The following WDR59 variants were observed in gnomAD, a reference collection of about 807,000 sequenced individuals.
The protein encoded by WDR59 is GATOR2 complex protein WDR59.
WDR59 carries 100 observed loss-of-function variants against 131.2 expected under a neutral mutation model. That is an observed-to-expected ratio of 0.76 (90% CI 0.65 to 0.90). The LOEUF is 0.90. Ranked by LOEUF, WDR59 falls within the 40% of genes least tolerant of loss-of-function variation. The pLI is 0.00. For synonymous variants in WDR59, 601 were observed against 466.2 expected, an observed-to-expected ratio of 1.29 and a Z score of -3.72; for missense variants, 1,203 against 1,262.2, an observed-to-expected ratio of 0.95 and a Z score of 0.71.
At chr16:74,961,805 T>A (rs972112284) in intron 2 of WDR59, among the ~76,000 whole-genome samples, 1 of 152,202 alleles carries the variant, frequency 6.6e-6, no homozygotes. Context: ...CAGATCCCAT[T>A]TGTCAATTTT....
At chr16:74,883,857 G>C (rs973949639) in intron 25 of WDR59, among the ~76,000 whole-genome samples, 1 of 152,124 alleles carries the variant, frequency 6.6e-6, no homozygotes, top group African/African-American at 2.4e-5. Flanking sequence ...CAAATTCCCA[G>C]TTCTAGCCCC....
chr16:74,927,201 T>C (rs1193953234), intron 8 of WDR59, among the ~76,000 whole-genome samples: 2 of 152,200 alleles, frequency 1.3e-5, no homozygotes, highest in African/African-American at 4.8e-5. Flanking sequence ...AAAGTTTAGA[T>C]GGCATAACTG....
intron 2 of WDR59, among the ~76,000 whole-genome samples, chr16:74,965,013 G>A (rs768323568): frequency 1.9e-4 from 29 of 151,826 alleles, no homozygotes; most frequent in Non-Finnish European, 2.6e-4. Flanking sequence ...GCAGTGAGCC[G>A]AGATCGCGCC....
intron 1 of WDR59, among the ~76,000 whole-genome samples, chr16:74,970,409 T>C (rs1158772827): frequency 1.4e-5 from 2 of 147,224 alleles, no homozygotes; most frequent in African/African-American, 2.5e-5. Flanking sequence ...TCTCCCAGAA[T>C]GGCATGAACC....
At chr16:74,944,202 G>A (rs1228272518) in intron 6 of WDR59, among the ~76,000 whole-genome samples, 11 of 152,052 alleles carry the variant, frequency 7.2e-5, no homozygotes, top group Admixed American at 7.2e-4. Context: ...GCAGTGGCTT[G>A]CACCTATAAT....
At chr16:74,957,299 T>G (rs751010018) in intron 2 of WDR59, among the ~76,000 whole-genome samples, 1 of 152,108 alleles carries the variant, frequency 6.6e-6, no homozygotes, top group Non-Finnish European at 1.5e-5. Flanking sequence ...CAGGCTGATC[T>G]CGAACTGCTG....
At chr16:74,878,941 T>G (rs752775895) in intron 25 of WDR59, among the ~76,000 whole-genome samples, 1 of 152,230 alleles carries the variant, frequency 6.6e-6, no homozygotes, top group African/African-American at 2.4e-5. Context: ...CTATAAACTA[T>G]AGGCCAGAAA....
intron 18 of WDR59, among the ~76,000 whole-genome samples, chr16:74,898,343 T>G (rs938234940): frequency 6.6e-6 from 1 of 152,198 alleles, no homozygotes. Flanking sequence ...GTAAAGTTAG[T>G]ACCTCTGGGA....
intron 7 of WDR59, among the ~76,000 whole-genome samples, chr16:74,942,452 C>T (rs2145098235): frequency 6.6e-6 from 1 of 152,234 alleles, no homozygotes; most frequent in South Asian, 2.1e-4. Flanking sequence ...TTGAAGGAAA[C>T]TGAGGTTAAG....
At chr16:74,958,460 G>T (rs1165057118) in intron 2 of WDR59, among the ~76,000 whole-genome samples, 1 of 150,876 alleles carries the variant, frequency 6.6e-6, no homozygotes, top group African/African-American at 2.4e-5. Context: ...AACATTGGTG[G>T]CAGGCACCTG....
chr16:74,938,225 G>C lies in WDR59; in HGVS notation c.576C>G (p.Ser192=). 6.4e-7 allele frequency: 1 copy of C among 1,566,312 alleles called. No homozygotes were observed. Among genetic ancestry groups the C allele is most frequent in the Non-Finnish European group, 8.7e-7 (1 of 1,155,320 alleles). Residue 192 remains serine, a synonymous_variant, in exon 8 of 26, where the codon TCC becomes TCG. Transcript: ENST00000262144. ...GGTGCCAGTCCAGGCCATGGATTTTGGAGAGGTGGGCGGCTAGATATTCCA... is the reference window on the plus strand; with the variant it reads ...GGTGCCAGTCCAGGCCATGGATTTTCGAGAGGTGGGCGGCTAGATATTCCA... ...TAVEYLAAHL[S]KIHGLDWHPD... is the part of the protein sequence containing the mutation.
Position 74,948,627 on chromosome 16 carries a change from T to C in WDR59, c.408-71A>G, listed in dbSNP as rs564663081. Reference sequence around the variant, plus strand: ...CACCCACCTGGTATTTTTCACCCTTTGCACACAATTCTTCGCTTTCCTTTC... The same window carrying C: ...CACCCACCTGGTATTTTTCACCCTTCGCACACAATTCTTCGCTTTCCTTTC... On this transcript the variant is annotated intron_variant, in intron 5 of 25. Coordinates refer to ENST00000262144, the MANE Select transcript of WDR59 (RefSeq NM_030581.4). The C allele has an allele frequency of 2.0e-5, 26 of 1,272,532 alleles. No individual in the cohort carries two copies. In the East Asian group the frequency reaches 5.6e-4, roughly 27 times the overall value. The allele number at this position is 1,272,532 out of a possible 1,614,324, so 78.8% of individuals were successfully genotyped here. A position where few individuals can be genotyped will look rare whatever the true frequency, so the allele number is the denominator to read the frequency against.
rs201871399 is a variant in WDR59, at chr16:74,956,647, C to T, written c.105-37G>A. 9.9e-5 allele frequency: 158 copies of T among 1,600,168 alleles called. No homozygotes were observed. The East Asian group carries it at 3.3e-3, about 34-fold the overall frequency. On this transcript the variant is annotated intron_variant, in intron 2 of 25. Transcript: ENST00000262144. ...CATCAACATTATAATAGTATAAAAA[C>T]ACAACATCATTAGCATTAAGATAGA...
At chr16:74,940,933 T>C (rs2032169862) in intron 7 of WDR59, among the ~76,000 whole-genome samples, 1 of 151,958 alleles carries the variant, frequency 6.6e-6, no homozygotes, top group African/African-American at 2.4e-5. Flanking sequence ...CTCGATCTCC[T>C]GACCTCGTGA....
intron 14 of WDR59, among the ~76,000 whole-genome samples, chr16:74,911,819 AT>A: frequency 6.6e-6 from 1 of 152,212 alleles, no homozygotes; most frequent in Non-Finnish European, 1.5e-5. Context: ...GCTAAATGAA[AT>A]TGGATTGCAA....
chr16:74,885,448 C>CAAAAAAAA (rs397855343), intron 25 of WDR59, among the ~76,000 whole-genome samples: 3 of 62,380 alleles, frequency 4.8e-5, no homozygotes, highest in Admixed American at 2.6e-4. Context: ...GATTCCATCT[C>CAAAAAAAA]AAAAAAAAAA....
intron 1 of WDR59, among the ~76,000 whole-genome samples, chr16:74,976,960 T>C (rs1274049380): frequency 1.3e-5 from 2 of 152,050 alleles, no homozygotes; most frequent in Admixed American, 6.6e-5. Flanking sequence ...TGATTCAAAA[T>C]CACGGCACTC....
intron 1 of WDR59, among the ~76,000 whole-genome samples, chr16:74,972,154 A>C (rs537525871): frequency 3.9e-5 from 6 of 152,336 alleles, no homozygotes; most frequent in African/African-American, 1.4e-4. Context: ...ACTGCAAAGA[A>C]GGATGGTGAC....
At chr16:74,973,960 A>C (rs1702332184) in intron 1 of WDR59, among the ~76,000 whole-genome samples, 1 of 152,134 alleles carries the variant, frequency 6.6e-6, no homozygotes, top group Non-Finnish European at 1.5e-5. Context: ...ACCTGAGGTC[A>C]AGAGTTCGAG....
Sources: allele counts gnomAD v4.1 joint callset (sites outside exome capture counted in the v4.1 genomes callset), GRCh38; gene constraint gnomAD v4.1.1; transcripts MANE v1.5; gene names NCBI Gene and HGNC (gene_info 2026-07-23, HGNC 2026-07-21).